Variants in C8B observed in about 807,000 individuals in gnomAD.
The protein encoded by C8B is complement component C8 beta chain.
A neutral mutation model predicts 64.6 loss-of-function variants in C8B; 67 were observed. That is an observed-to-expected ratio of 1.04 (90% CI 0.85 to 1.27). The LOEUF is 1.27. Among genes scored for constraint, C8B ranks in the 50% most tolerant of loss-of-function variants. The pLI is 0.00. For missense variants in C8B, 790 were observed against 725.2 expected, an observed-to-expected ratio of 1.09 and a Z score of -1.03; for synonymous variants, 284 against 257.7, an observed-to-expected ratio of 1.10 and a Z score of -0.98.
intron 3 of C8B, among the ~76,000 whole-genome samples, chr1:56,955,066 C>T (rs1019147141): frequency 6.6e-6 from 1 of 152,180 alleles, no homozygotes; most frequent in Non-Finnish European, 1.5e-5. Flanking sequence ...ACAGTTTGGA[C>T]TCTCTCTCCC....
intron 1 of C8B, among the ~76,000 whole-genome samples, chr1:56,961,281 A>G (rs1645176690): frequency 6.6e-6 from 1 of 152,206 alleles, no homozygotes; most frequent in African/African-American, 2.4e-5. Context: ...AAGAGATGGG[A>G]AGACAAAAGG....
In C8B at chr1:56,949,650, C is replaced by G; in HGVS notation, c.769G>C (p.Gly257Arg). ...KMASKSGFSF[G>R]FKIPGIFELG... ...TCAAATATTCCAGGTATTTTAAAAC[C>G]AAAACTGAAACCAGACTTGCTTGCC... Residue 257 changes from glycine (G) to arginine (R), a missense_variant, in exon 6 of 12, where the codon GGT (glycine) becomes CGT (arginine). By Grantham distance (125) the Gly-to-Arg change is moderately radical. Transcript: ENST00000371237. The G allele has an allele frequency of 6.2e-7, 1 of 1,613,930 alleles. No homozygotes were observed. Among genetic ancestry groups the G allele is most frequent in the Non-Finnish European group, 8.5e-7 (1 of 1,179,926 alleles).
At chr1:56,943,220 C>T (rs1302498389) in intron 8 of C8B, among the ~76,000 whole-genome samples, 1 of 151,972 alleles carries the variant, frequency 6.6e-6, no homozygotes, top group Non-Finnish European at 1.5e-5. Context: ...AAAAGCACAC[C>T]CTCTAAAACC....
At position 56,943,699 on chromosome 1, in the gene C8B, T is replaced by G; in HGVS notation, c.1231A>C (p.Lys411Gln). Reference protein sequence around the residue: ...GKCRGILNEIKDRNKRDTMVE... With the variant: ...GKCRGILNEIQDRNKRDTMVE... ...GTCACAAGCCCCTGTCACTCACCTT[T>G]TATTTCATTCAGAATACCTCTGCAT... The change falls in exon 8 of 12, where the codon AAA becomes CAA. Residue 411 changes from lysine (K) to glutamine (Q), a missense_variant. Transcript: ENST00000371237. The G allele has an allele frequency of 6.2e-7, 1 of 1,614,072 alleles. No homozygotes were observed. Among genetic ancestry groups the G allele is most frequent in the Non-Finnish European group, 8.5e-7 (1 of 1,179,974 alleles).
chr1:56,942,629 G>A (rs1162029750), intron 8 of C8B, among the ~76,000 whole-genome samples: 1 of 152,018 alleles, frequency 6.6e-6, no homozygotes, highest in Non-Finnish European at 1.5e-5. Flanking sequence ...CCTTGAACCC[G>A]GGAGGCGGAG....
chr1:56,933,248 A>C, intron 10 of C8B, 87 bp downstream of exon 10: 1 of 1,135,148 alleles, frequency 8.8e-7, no homozygotes, highest in East Asian at 2.3e-5. Flanking sequence ...CTGACTTCTC[A>C]GTAAACAGAA....
At chr1:56,956,718 A>C (rs1438653340) in intron 3 of C8B, 51 bp downstream of exon 3, 1 of 1,604,394 alleles carries the variant, frequency 6.2e-7, no homozygotes, top group Admixed American at 1.7e-5. Flanking sequence ...GTCATCAAGA[A>C]CCATTACCTC....
intron 5 of C8B, among the ~76,000 whole-genome samples, 165 bp from the exon 6 acceptor site, chr1:56,949,917 G>A (rs1462133027): frequency 2.0e-5 from 3 of 152,170 alleles, no homozygotes; most frequent in African/African-American, 7.2e-5. Context: ...AGGGCTCTTG[G>A]TTCAGTAGCA....
At chr1:56,951,189 C>T (rs185466075) in intron 5 of C8B, among the ~76,000 whole-genome samples, 54 of 152,224 alleles carry the variant, frequency 3.5e-4, no homozygotes, top group Admixed American at 1.0e-3. Flanking sequence ...GTGATCCTCC[C>T]GCCTCAGCCT....
rs1644706746 is a variant in C8B, at chr1:56,931,858, A to C, written c.1573T>G (p.Cys525Gly). The C allele has an allele frequency of 6.2e-7, 1 of 1,612,306 alleles. No homozygotes were observed. Among genetic ancestry groups the C allele is most frequent in the Admixed American group, 1.7e-5 (1 of 59,950 alleles). ...VLKGSRCDCI[C>G]PVGSQGLACE... ...GCTAGGCCTTGGGATCCAACAGGACAGATGCAGTCACAGCGTGATCCTGAG... is the reference window on the plus strand; with the variant it reads ...GCTAGGCCTTGGGATCCAACAGGACCGATGCAGTCACAGCGTGATCCTGAG... Residue 525 changes from cysteine (C) to glycine (G), a missense_variant, in exon 11 of 12, where the codon TGT becomes GGT. Coordinates refer to ENST00000371237, the MANE Select transcript of C8B (RefSeq NM_000066.4).
At chr1:56,954,887 A>G (rs1057045037) in intron 3 of C8B, 60 bp from the exon 4 acceptor site, 1 of 1,604,810 alleles carries the variant, frequency 6.2e-7, no homozygotes, top group African/African-American at 1.3e-5. Flanking sequence ...GAACTAACAT[A>G]GTATAAGCAC....
intron 9 of C8B, among the ~76,000 whole-genome samples, chr1:56,934,638 T>G (rs1017242103): frequency 2.0e-5 from 3 of 152,082 alleles, no homozygotes; most frequent in South Asian, 4.2e-4. Context: ...GGGAAGAAAA[T>G]TGCTTCCATT....
rs199745832 is a variant in C8B at position 56,956,808 on chromosome 1, T to A, written c.352A>T (p.Ser118Cys). The change falls in exon 3 of 12, where the codon AGT becomes TGT. Residue 118 changes from serine to cysteine, a missense_variant. Physicochemically the swap from Ser to Cys is moderately radical, Grantham distance 112. Coordinates refer to ENST00000371237, the MANE Select transcript of C8B (RefSeq NM_000066.4). Reference sequence around the variant, plus strand: ...ACAAAGCCTTCACATCGCACTTGACTTCCGCATGGTCTGTTGGTAACACAG... The same window carrying A: ...ACAAAGCCTTCACATCGCACTTGACATCCGCATGGTCTGTTGGTAACACAG... ...EDCVTNRPCG[S>C]QVRCEGFVCA... 993 of 1,614,080 alleles carry A rather than the reference T, an allele frequency of 6.2e-4. 15 individuals are homozygous for A. In the South Asian group the frequency reaches 0.01, roughly 17 times the overall value.
Position 56,943,703 on chromosome 1 carries a change from T to C in C8B, c.1227A>G (p.Glu409=). The change falls in exon 8 of 12, where the codon GAA becomes GAG. Residue 409 remains glutamate (E), a synonymous_variant. Coordinates refer to ENST00000371237, the MANE Select transcript of C8B (RefSeq NM_000066.4). ...SVGKCRGILN[E]IKDRNKRDTM... ...CAAGCCCCTGTCACTCACCTTTTATTTCATTCAGAATACCTCTGCATTTGC... is the reference window on the plus strand; with the variant it reads ...CAAGCCCCTGTCACTCACCTTTTATCTCATTCAGAATACCTCTGCATTTGC... 1 of 1,614,110 alleles carries C rather than the reference T, an allele frequency of 6.2e-7. No homozygotes were observed. Among genetic ancestry groups the C allele is most frequent in the African/African-American group, 1.3e-5 (1 of 75,048 alleles).
intron 9 of C8B, among the ~76,000 whole-genome samples, chr1:56,937,492 T>TGGCA (rs1172297139): frequency 6.6e-6 from 1 of 152,164 alleles, no homozygotes; most frequent in African/African-American, 2.4e-5. Flanking sequence ...ATTTTTTCCC[T>TGGCA]TCTGCCCTGG....
intron 9 of C8B, among the ~76,000 whole-genome samples, chr1:56,936,002 C>A (rs1401617719): frequency 6.6e-6 from 1 of 152,148 alleles, no homozygotes; most frequent in Non-Finnish European, 1.5e-5. Flanking sequence ...TCAGAGTATC[C>A]TTCTATATGG....
intron 2 of C8B, chr1:56,959,480 A>C (rs1557743340): frequency 6.1e-6 from 7 of 1,149,776 alleles, no homozygotes; most frequent in East Asian, 2.6e-5. Flanking sequence ...GGAGTTTCAA[A>C]TTGTGAGTAG....
In C8B at chr1:56,940,978, C is replaced by T. The variant is rs1326711317; in HGVS notation, c.1269G>A (p.Leu423=). The T allele has an allele frequency of 6.2e-7, 1 of 1,614,130 alleles. No homozygotes were observed. The highest frequency in any genetic ancestry group is 1.1e-5 in the South Asian group (1 of 91,080). ...TTGCCCCTCCTCGTACCAGGACCACCAAGTCCTCCACCATGGTGTCCCTCT... is the reference window on the plus strand; with the variant it reads ...TTGCCCCTCCTCGTACCAGGACCACTAAGTCCTCCACCATGGTGTCCCTCT... ...RNKRDTMVED[L]VVLVRGGASE... is the part of the protein sequence containing the mutation. Residue 423 remains leucine (L), a synonymous_variant, in exon 9 of 12, where the codon TTG becomes TTA. Coordinates refer to ENST00000371237, the MANE Select transcript of C8B (RefSeq NM_000066.4).
chr1:56,943,167 C>T (rs1405688553), intron 8 of C8B, among the ~76,000 whole-genome samples: 1 of 152,112 alleles, frequency 6.6e-6, no homozygotes, highest in East Asian at 1.9e-4. Context: ...TAAATTGGTA[C>T]AGCCATTTTA....
Sources: gnomAD v4.1 joint callset for allele counts (sites outside exome capture counted in the v4.1 genomes callset) on GRCh38, gnomAD v4.1.1 for gene constraint, MANE v1.5 for transcripts, NCBI Gene and HGNC (gene_info 2026-07-23, HGNC 2026-07-21) for gene names.